Variants in EHD4 observed in about 807,000 individuals in gnomAD.
EHD4 encodes EH domain containing 4.
EHD4 carries 37 observed loss-of-function variants against 51.0 expected under a neutral mutation model. The ratio of observed to expected loss-of-function variants is 0.73; its 90% CI spans 0.56 to 0.95. The LOEUF (loss-of-function observed/expected upper bound fraction) is 0.95, where lower values mean the gene tolerates loss of function less well. EHD4 is among the 40% of genes least tolerant of loss of function. The probability of loss-of-function intolerance (pLI) is 0.00; values close to 1 mark genes in which losing one functional copy is unlikely to be tolerated. For missense variants in EHD4, 632 were observed against 733.1 expected (o/e 0.86, Z 1.59); for synonymous variants, 297 against 317.3 (o/e 0.94, Z 0.68).
Position 41,896,436 on chromosome 15 carries a change from T to A in EHD4, c.*4209A>T, listed in dbSNP as rs1399019766. Reference sequence around the variant, plus strand: ...CTAACATAAGTCTGGGGGTCCTGGCTCTCATAGGCTTGAACAGGGCCACAT... The same window carrying A: ...CTAACATAAGTCTGGGGGTCCTGGCACTCATAGGCTTGAACAGGGCCACAT... On this transcript the variant is annotated 3_prime_UTR_variant, in exon 6 of 6. Coordinates refer to ENST00000220325, the MANE Select transcript of EHD4 (RefSeq NM_139265.4). The A allele has an allele frequency of 3.3e-5, 5 of 152,296 alleles. No homozygotes were observed. Among genetic ancestry groups the A allele is most frequent in the Middle Eastern group, 3.4e-3 (1 of 292 alleles). The allele number at this position is 152,296 out of a possible 1,614,324, so 9.4% of individuals were successfully genotyped here.
chr15:41,937,082 A>T (rs1163766911), intron 3 of EHD4, among the ~76,000 whole-genome samples: 2 of 152,158 alleles, frequency 1.3e-5, no homozygotes, highest in Admixed American at 6.5e-5. Flanking sequence ...AACTCTAAAT[A>T]AAAAAATGGC....
intron 2 of EHD4, among the ~76,000 whole-genome samples, chr15:41,951,342 A>G (rs2067851234): frequency 6.6e-6 from 1 of 152,224 alleles, no homozygotes; most frequent in African/African-American, 2.4e-5. Context: ...ACTTGCTTTT[A>G]TTATAAGGCA....
At position 41,919,272 on chromosome 15, in the gene EHD4, G is replaced by A. The variant is rs1338231505; in HGVS notation, c.862C>T (p.Leu288Phe). ...TTGCGCACCGCTGCCTTCTGGGGGA[G>A]GCTCTGGATGTCTCTAAAGAGGTCC... is the stretch of plus-strand genomic sequence containing the variant. The part of the protein sequence containing the change: ...AQDLFRDIQS[L>F]PQKAAVRKLN... Residue 288 changes from leucine (L) to phenylalanine (F), a missense_variant, in exon 4 of 6, where the codon CTC becomes TTC. By Grantham distance (22) the Leu-to-Phe change is conservative. Coordinates refer to ENST00000220325, the MANE Select transcript of EHD4 (RefSeq NM_139265.4). 2.5e-6 allele frequency: 4 copies of A among 1,614,172 alleles called. No homozygotes were observed. The highest frequency in any genetic ancestry group is 1.1e-5 in the South Asian group (1 of 91,082).
intron 2 of EHD4, among the ~76,000 whole-genome samples, chr15:41,943,920 G>C (rs965629271): frequency 6.6e-6 from 1 of 152,226 alleles, no homozygotes; most frequent in African/African-American, 2.4e-5. Context: ...GAGCTGGAGA[G>C]TAGGTGAGGG....
At chr15:41,925,822 T>C (rs1283953143) in intron 3 of EHD4, among the ~76,000 whole-genome samples, 2 of 152,148 alleles carry the variant, frequency 1.3e-5, no homozygotes, top group Non-Finnish European at 2.9e-5. Flanking sequence ...GAGCCCCTTC[T>C]ACCCAATCAA....
intron 3 of EHD4, among the ~76,000 whole-genome samples, chr15:41,933,346 T>C (rs977837791): frequency 2.0e-5 from 3 of 152,206 alleles, no homozygotes; most frequent in Non-Finnish European, 4.4e-5. Flanking sequence ...CTGAGCTTCA[T>C]AGATAACAGG....
chr15:41,942,831 C>G (rs868433899), intron 3 of EHD4: 1 of 308,308 alleles, frequency 3.2e-6, no homozygotes, highest in Non-Finnish European at 5.6e-6. Flanking sequence ...TACCCCACTC[C>G]TCATCTTCAT....
chr15:41,946,834 C>A (rs1049926491), intron 2 of EHD4, among the ~76,000 whole-genome samples: 2 of 152,206 alleles, frequency 1.3e-5, no homozygotes, highest in African/African-American at 4.8e-5. Flanking sequence ...ATTTTAAAAA[C>A]TAGACTTTTA....
chr15:41,919,005 CAGGGTTAGTCATCTGCCCAGG>C (rs2067604057), intron 4 of EHD4, among the ~76,000 whole-genome samples, 184 bp downstream of exon 4: 1 of 152,176 alleles, frequency 6.6e-6, no homozygotes, highest in African/African-American at 2.4e-5. Flanking sequence ...GATTGGAGAA[CAGGGTTAGTCATCTGCCCAGG>C]AGTGCAGAGC....
intron 3 of EHD4, among the ~76,000 whole-genome samples, chr15:41,939,981 T>C (rs1380477526): frequency 2.0e-5 from 3 of 152,046 alleles, no homozygotes; most frequent in Non-Finnish European, 4.4e-5. Flanking sequence ...GAATGCTATG[T>C]ATTTTTTTTT....
chr15:41,939,587 A>C (rs1342757856), intron 3 of EHD4, among the ~76,000 whole-genome samples: 1 of 151,962 alleles, frequency 6.6e-6, no homozygotes, highest in Non-Finnish European at 1.5e-5. Flanking sequence ...ATGTTAAGGA[A>C]ATGTTAAGGA....
intron 3 of EHD4, among the ~76,000 whole-genome samples, chr15:41,919,936 T>A (rs1037779517): frequency 6.6e-6 from 1 of 152,264 alleles, no homozygotes; most frequent in African/African-American, 2.4e-5. Context: ...ACAGACCTTT[T>A]GCTTGATGGC....
chr15:41,969,337 G>A (rs1296191867), intron 1 of EHD4, among the ~76,000 whole-genome samples: 1 of 152,246 alleles, frequency 6.6e-6, no homozygotes, highest in East Asian at 1.9e-4. Flanking sequence ...ACCTGAGGTC[G>A]GGAGTTTGAG....
chr15:41,910,207 C>G (rs1431864475), intron 4 of EHD4, among the ~76,000 whole-genome samples: 1 of 152,170 alleles, frequency 6.6e-6, no homozygotes, highest in Non-Finnish European at 1.5e-5. Flanking sequence ...AGGCTGGTGC[C>G]TGGGAGCAAC....
intron 1 of EHD4, 54 bp from the exon 2 acceptor site, chr15:41,953,994 C>G: frequency 6.3e-7 from 1 of 1,581,060 alleles, no homozygotes; most frequent in Admixed American, 1.9e-5. Context: ...AAGTAAGAGG[C>G]CAGAAAGCTG....
At chr15:41,936,224 G>A (rs529819485) in intron 3 of EHD4, among the ~76,000 whole-genome samples, 3 of 152,312 alleles carry the variant, frequency 2.0e-5, no homozygotes, top group East Asian at 1.9e-4. Context: ...CCCAAGGCAC[G>A]AATGCTGGGA....
Position 41,897,753 on chromosome 15 carries a change from G to T in EHD4, c.*2892C>A, listed in dbSNP as rs1411890002. ...TCATTTTCCCTTTAAACTCAAGACC[G>T]GAAGGTTTGTGTTATGCGATACCAT... On this transcript the variant is annotated 3_prime_UTR_variant, in exon 6 of 6. Transcript: ENST00000220325. 6.6e-6 allele frequency: 1 copy of T among 152,240 alleles called. No individual in the cohort carries two copies. Among genetic ancestry groups the T allele is most frequent in the African/African-American group, 2.4e-5 (1 of 41,458 alleles). The allele number at this position is 152,240 out of a possible 1,614,324, so 9.4% of individuals were successfully genotyped here.
chr15:41,951,184 C>A (rs1304735151), intron 2 of EHD4, among the ~76,000 whole-genome samples: 1 of 152,192 alleles, frequency 6.6e-6, no homozygotes, highest in Non-Finnish European at 1.5e-5. Flanking sequence ...GATTCCTCCC[C>A]CTCCATTGAG....
chr15:41,908,514 G>A (rs564248075), intron 5 of EHD4: 39 of 152,252 alleles, frequency 2.6e-4, no homozygotes, highest in African/African-American at 9.1e-4. Context: ...GGCAAAAGAT[G>A]GTAACTGGTG....
Sources: gnomAD v4.1 joint callset for allele counts (sites outside exome capture counted in the v4.1 genomes callset) on GRCh38, gnomAD v4.1.1 for gene constraint, MANE v1.5 for transcripts, NCBI Gene and HGNC (gene_info 2026-07-23, HGNC 2026-07-21) for gene names.